Variants in ZNF318 observed in about 807,000 individuals in gnomAD.
ZNF318 encodes endocrine regulator.
ZNF318 carries 51 observed loss-of-function variants against 124.2 expected under a neutral mutation model. That is an observed-to-expected ratio of 0.41 (90% confidence interval 0.33 to 0.52). The LOEUF (loss-of-function observed/expected upper bound fraction) is 0.52, where lower values mean the gene tolerates loss of function less well. ZNF318 is among the 20% of genes least tolerant of loss of function. The probability of loss-of-function intolerance (pLI) is 0.23; values close to 1 mark genes in which losing one functional copy is unlikely to be tolerated. For missense variants in ZNF318, 2,815 were observed against 2,811.2 expected (o/e 1.00, Z -0.03); for synonymous variants, 1,090 against 1,040.7 (o/e 1.05, Z -0.91).
rs923373529 is a variant in ZNF318, at chr6:43,368,915, CG to C, written c.399+51del. 2.4e-6 allele frequency: 3 copies of C among 1,275,900 alleles called. No homozygotes were observed. The African/African-American group carries it at 4.7e-5, about 20-fold the overall frequency. 79.0% of individuals were successfully genotyped at this position (1,275,900 alleles called of 1,614,324 possible). ...CGGGCGTTTCTGGAAACGGGAATTC[CG>C]GGGGAGGGGACTGGGGGATGGAGGG... On this transcript the variant is annotated intron_variant, in intron 1 of 9. Coordinates refer to ENST00000361428, the MANE Select transcript of ZNF318 (RefSeq NM_014345.3).
chr6:43,342,009 A>ATGGC, intron 8 of ZNF318, 103 bp downstream of exon 8: 1 of 978,182 alleles, frequency 1.0e-6, no homozygotes, highest in Non-Finnish European at 1.6e-6. Flanking sequence ...GTTAAAAGGA[A>ATGGC]TGGCTGTCTC....
intron 1 of ZNF318, among the ~76,000 whole-genome samples, chr6:43,366,634 C>T (rs1779764698): frequency 6.6e-6 from 1 of 152,118 alleles, no homozygotes; most frequent in Non-Finnish European, 1.5e-5. Flanking sequence ...CCTCCCCACA[C>T]CAAAACATTT....
intron 5 of ZNF318, 95 bp from the exon 6 acceptor site, chr6:43,348,720 C>G (rs930625267): frequency 1.4e-6 from 2 of 1,401,678 alleles, no homozygotes; most frequent in African/African-American, 1.4e-5. Context: ...TTTATGGTTA[C>G]AAAGTCTTTG....
At position 43,356,500 on chromosome 6, in the gene ZNF318, G is replaced by C. The variant is rs111674318; in HGVS notation, c.1189-355C>G. Among the ~76,000 whole-genome samples, 781 of 152,318 alleles carry C rather than the reference G, an allele frequency of 5.1e-3. 7 individuals are homozygous for C. Among genetic ancestry groups the C allele is most frequent in the African/African-American group, 0.018 (739 of 41,574 alleles). On this transcript the variant is annotated intron_variant, in intron 3 of 9. Coordinates refer to ENST00000361428, the MANE Select transcript of ZNF318 (RefSeq NM_014345.3). ...AAAGCTGCTTTGGCTGAAGTGGGGA[G>C]AGGAAACTCTGGAACGCTAACTCAT...
At chr6:43,349,314 ATTTGAC>A (rs1450422612) in intron 5 of ZNF318, among the ~76,000 whole-genome samples, 1 of 151,108 alleles carries the variant, frequency 6.6e-6, no homozygotes, top group Admixed American at 6.6e-5. Flanking sequence ...AGGGTAATAT[ATTTGAC>A]TTTATCTGAT....
chr6:43,338,254 A>G lies in ZNF318; in HGVS notation c.5744T>C (p.Val1915Ala), dbSNP rs775530281. Reference protein sequence around the residue: ...TGSPQEQGVSVVSEEGLENSA... With the variant: ...TGSPQEQGVSAVSEEGLENSA... The stretch of plus-strand genomic sequence containing the variant: ...ATTCTCTAGCCCCTCCTCACTAACA[A>G]CTGAAACTCCTTGCTCTTGTGGACT... The change falls in exon 10 of 10, where the codon GTT (valine) becomes GCT (alanine). Residue 1915 changes from valine (V) to alanine (A), a missense_variant. Val to Ala is a moderately conservative substitution (Grantham distance 64, BLOSUM62 0). This residue lies in a region of ZNF318 where 927 missense variants were observed against 820.6 expected (regional missense o/e 1.13). Transcript: ENST00000361428. 1 of 1,614,084 alleles carries G rather than the reference A, an allele frequency of 6.2e-7. No individual in the cohort carries two copies. The highest frequency in any genetic ancestry group is 8.5e-7 in the Non-Finnish European group (1 of 1,180,010).
At chr6:43,343,940 T>A (rs532154671) in intron 6 of ZNF318, among the ~76,000 whole-genome samples, 21 of 152,040 alleles carry the variant, frequency 1.4e-4, no homozygotes, top group Non-Finnish European at 2.9e-4. Context: ...TAATATGAAT[T>A]AATTTATTAC....
chr6:43,354,795 T>C lies in ZNF318; in HGVS notation c.2539A>G (p.Lys847Glu). The change falls in exon 4 of 10, where the codon AAG (lysine) becomes GAG (glutamate). Residue 847 changes from lysine to glutamate, a missense_variant. Physicochemically the swap from Lys to Glu is moderately conservative, Grantham distance 56. Transcript: ENST00000361428. Reference sequence around the variant, plus strand: ...GAGCCTCGCAGAGACTCTTTCTGCTTAGGCTTATCAGGAGTCACAGTGGGG... The same window carrying C: ...GAGCCTCGCAGAGACTCTTTCTGCTCAGGCTTATCAGGAGTCACAGTGGGG... The part of the protein sequence containing the change: ...VIPTVTPDKP[K>E]QKESLRGSIP... The C allele has an allele frequency of 6.2e-7, 1 of 1,614,174 alleles. No individual in the cohort carries two copies. Among genetic ancestry groups the C allele is most frequent in the South Asian group, 1.1e-5 (1 of 91,090 alleles).
intron 4 of ZNF318, among the ~76,000 whole-genome samples, chr6:43,353,950 T>C (rs940744995): frequency 2.0e-5 from 3 of 152,026 alleles, no homozygotes; most frequent in African/African-American, 7.2e-5. Flanking sequence ...AAAATGACTT[T>C]AGAGGCCAGG....
rs1779801366 is a variant in ZNF318 at position 43,369,142 on chromosome 6, C to A, written c.224G>T (p.Gly75Val). 7.3e-6 allele frequency: 9 copies of A among 1,225,054 alleles called. No individual in the cohort carries two copies. The highest frequency in any genetic ancestry group is 9.1e-6 in the Non-Finnish European group (9 of 984,050). 75.9% of individuals were successfully genotyped at this position (1,225,054 alleles called of 1,614,324 possible). A position where few individuals can be genotyped will look rare whatever the true frequency, so the allele number is the denominator to read the frequency against. The change falls in exon 1 of 10, where the codon GGT becomes GTT. Residue 75 changes from glycine (G) to valine (V), a missense_variant. Physicochemically the swap from Gly to Val is moderately radical, Grantham distance 109. This residue lies in a region of ZNF318 where 1,377 missense variants were observed against 1,353.5 expected (regional missense o/e 1.02). Transcript: ENST00000361428. The part of the protein sequence containing the change: ...GRRASPSPPR[G>V]RRVSPSPPRA... ...AGGCGGGGACGGGGAGACGCGACGA[C>A]CCCGTGGCGGGGACGGCGAGGCCCG...
rs1250763382 is a variant in ZNF318, at chr6:43,369,267, TGAG to T, written c.96_98del (p.Ser33del). On this transcript the variant is annotated inframe_deletion, in exon 1 of 10. Coordinates refer to ENST00000361428, the MANE Select transcript of ZNF318 (RefSeq NM_014345.3). ...GCGGTGAGCTGCGGCGAGCCGGGCC[TGAG>T]GAGGAGCCAGAGCTGCGGCCGCTGC... is the stretch of plus-strand genomic sequence containing the variant. 3 of 1,300,370 alleles carry T rather than the reference TGAG, an allele frequency of 2.3e-6. No homozygotes were observed. The highest frequency in any genetic ancestry group is 1.6e-5 in the African/African-American group (1 of 63,858). The allele number at this position is 1,300,370 out of a possible 1,614,324, so 80.6% of individuals were successfully genotyped here. A position where few individuals can be genotyped will look rare whatever the true frequency, so the allele number is the denominator to read the frequency against.
rs1262759195 is a variant in ZNF318 at position 43,339,645 on chromosome 6, T to TGGTGGAGGTGGGGGTGGTGGAGGA, written c.4329_4352dup (p.Pro1449_Pro1456dup). 2.5e-6 allele frequency: 2 copies of TGGTGGAGGTGGGGGTGGTGGAGGA among 813,878 alleles called. No individual in the cohort carries two copies. Among genetic ancestry groups the TGGTGGAGGTGGGGGTGGTGGAGGA allele is most frequent in the Non-Finnish European group, 3.6e-6 (2 of 551,242 alleles). The allele number at this position is 813,878 out of a possible 1,614,324, so 50.4% of individuals were successfully genotyped here. On this transcript the variant is annotated inframe_insertion, in exon 10 of 10. Transcript: ENST00000361428. The surrounding 1 kb of genome is among the most constrained non-coding windows in gnomAD (Gnocchi z 4.2). ...GAGGTATAACGGGGGGTGGTGGAGG[T>TGGTGGAGGTGGGGGTGGTGGAGGA]GGTGGAGGTGGGGGTGGTGGAGGAG...
chr6:43,350,649 C>A (rs1779511940), intron 5 of ZNF318, among the ~76,000 whole-genome samples: 1 of 151,924 alleles, frequency 6.6e-6, no homozygotes, highest in Non-Finnish European at 1.5e-5. Context: ...CATGGCAAAA[C>A]CTTGTCTCTA....
At chr6:43,366,348 T>G (rs1779761364) in intron 1 of ZNF318, among the ~76,000 whole-genome samples, 1 of 152,194 alleles carries the variant, frequency 6.6e-6, no homozygotes, top group Non-Finnish European at 1.5e-5. Context: ...TTATTCTTAG[T>G]GCAATTAACA....
chr6:43,355,680 G>A lies in ZNF318; in HGVS notation c.1654C>T (p.Pro552Ser), dbSNP rs768800330. 4 of 1,614,184 alleles carry A rather than the reference G, an allele frequency of 2.5e-6. No homozygotes were observed. In the South Asian group the frequency reaches 3.3e-5, roughly 13 times the overall value. ...CTCTCAGAGCTCCCAAGGGGCTTTG[G>A]TACGGATTCTGCCTTTAAATCCTCT... is the stretch of plus-strand genomic sequence containing the variant. ...EEEDLKAESV[P>S]KPLGSSESEV... The change falls in exon 4 of 10, where the codon CCA becomes TCA. Residue 552 changes from proline (P) to serine (S), a missense_variant. Physicochemically the swap from Pro to Ser is moderately conservative, Grantham distance 74. This residue lies in a region of ZNF318 where 1,377 missense variants were observed against 1,353.5 expected (regional missense o/e 1.02). Coordinates refer to ENST00000361428, the MANE Select transcript of ZNF318 (RefSeq NM_014345.3).
Position 43,338,630 on chromosome 6 carries a change from C to CA in ZNF318, c.5367dup (p.Glu1790Ter). 6.2e-7 allele frequency: 1 copy of CA among 1,614,166 alleles called. No homozygotes were observed. The highest frequency in any genetic ancestry group is 8.5e-7 in the Non-Finnish European group (1 of 1,180,026). ...CTTACTCCCTCATCAACTATCCCCT[C>CA]AGACAGCTCCTTTACCCTTTCTTTT... On this transcript the variant is annotated frameshift_variant, in exon 10 of 10. Coordinates refer to ENST00000361428, the MANE Select transcript of ZNF318 (RefSeq NM_014345.3). LOFTEE classifies it low-confidence loss of function (END_TRUNC).
Position 43,369,145 on chromosome 6 carries a change from C to T in ZNF318, c.221G>A (p.Arg74Gln). 4 of 1,223,566 alleles carry T rather than the reference C, an allele frequency of 3.3e-6. No individual in the cohort carries two copies. Among genetic ancestry groups the T allele is most frequent in the Non-Finnish European group, 4.1e-6 (4 of 983,090 alleles). 75.8% of individuals were successfully genotyped at this position (1,223,566 alleles called of 1,614,324 possible). The change falls in exon 1 of 10, where the codon CGG (arginine) becomes CAG (glutamine). Residue 74 changes from arginine (R) to glutamine (Q), a missense_variant. Physicochemically the swap from Arg to Gln is conservative, Grantham distance 43. Around this residue, in one of 4 missense-constraint regions of ZNF318, gnomAD observed 1,377 missense variants for 1,353.5 expected, o/e 1.02. Coordinates refer to ENST00000361428, the MANE Select transcript of ZNF318 (RefSeq NM_014345.3). ...CGGGGACGGGGAGACGCGACGACCCCGTGGCGGGGACGGCGAGGCCCGGCG... is the reference window on the plus strand; with the variant it reads ...CGGGGACGGGGAGACGCGACGACCCTGTGGCGGGGACGGCGAGGCCCGGCG... Reference protein sequence around the residue: ...RGRRASPSPPRGRRVSPSPPR... With the variant: ...RGRRASPSPPQGRRVSPSPPR...
chr6:43,350,902 G>A (rs1388978098), intron 5 of ZNF318, among the ~76,000 whole-genome samples: 1 of 152,184 alleles, frequency 6.6e-6, no homozygotes, highest in Non-Finnish European at 1.5e-5. Flanking sequence ...GAAAGTCTGA[G>A]GAGTAACTGA....
At chr6:43,368,854 G>C (rs1779795625) in intron 1 of ZNF318, 113 bp downstream of exon 1, 1 of 1,236,732 alleles carries the variant, frequency 8.1e-7, no homozygotes, top group Non-Finnish European at 1.0e-6. Flanking sequence ...GGAGTTGGCC[G>C]GAGGCTTCGC....
Sources: allele counts gnomAD v4.1 joint callset (sites outside exome capture counted in the v4.1 genomes callset), GRCh38; gene constraint gnomAD v4.1.1; regional missense constraint gnomAD v4.1.1; non-coding constraint Gnocchi (gnomAD v3.1); transcripts MANE v1.5; gene names NCBI Gene and HGNC (gene_info 2026-07-23, HGNC 2026-07-21).